SLC15A1: variants seen among roughly 807,000 people sequenced by gnomAD.
SLC15A1 encodes solute carrier family 15 member 1.
SLC15A1 carries 83 observed loss-of-function variants against 92.9 expected under a neutral mutation model. The observed-to-expected ratio is 0.89, with a 90% CI of 0.75 to 1.07. The LOEUF (loss-of-function observed/expected upper bound fraction) is 1.07. Among genes scored for constraint, SLC15A1 ranks in the 50% least tolerant of loss-of-function variants. The probability of loss-of-function intolerance (pLI) is 0.00; values close to 1 mark genes in which losing one functional copy is unlikely to be tolerated. For missense variants in SLC15A1, 857 were observed against 880.1 expected (o/e 0.97, Z 0.33); for synonymous variants, 322 against 318.2 (o/e 1.01, Z -0.13).
rs750012790 is a variant in SLC15A1, at chr13:98,711,880, T to C, written c.874A>G (p.Met292Val). ...RVMFLYIPLP[M>V]FWALFDQQGS... ...TGCTGGTCAAACAAGGCCCAGAACA[T>C]TGGGAGTGGAATATACAGGAACATC... is the stretch of plus-strand genomic sequence containing the variant. The change falls in exon 11 of 23, where the codon ATG becomes GTG. Residue 292 changes from methionine to valine, a missense_variant. Met to Val is a conservative substitution (Grantham distance 21, BLOSUM62 1). Coordinates refer to ENST00000376503, the MANE Select transcript of SLC15A1 (RefSeq NM_005073.4). 6.8e-6 allele frequency: 11 copies of C among 1,613,682 alleles called. No homozygotes were observed. Among genetic ancestry groups the C allele is most frequent in the East Asian group, 2.2e-5 (1 of 44,870 alleles).
chr13:98,707,940 G>A (rs1593989687), intron 15 of SLC15A1, among the ~76,000 whole-genome samples: 1 of 125,368 alleles, frequency 8.0e-6, no homozygotes, highest in African/African-American at 3.9e-5. Flanking sequence ...TAAATGTTAT[G>A]TTATATATAT....
intron 18 of SLC15A1, among the ~76,000 whole-genome samples, chr13:98,692,593 G>T (rs9584906): frequency 0.085 from 12,861 of 152,042 alleles, 637 homozygotes; most frequent in South Asian, 0.15. Context: ...CTCAACACCC[G>T]TAATTTTGGT....
rs1259723625 is a variant in SLC15A1 at position 98,709,889 on chromosome 13, G to T, written c.923C>A (p.Ala308Glu). ...DQQGSRWTLQ[A>E]TTMSGKIGAL... ...TACGATTTTCCCGGACATAGTTGTT[G>T]CCTGCAGTGTCCACCTGGAGCCCTT... The change falls in exon 12 of 23, where the codon GCA (alanine) becomes GAA (glutamate). Residue 308 changes from alanine to glutamate, a missense_variant. Coordinates refer to ENST00000376503, the MANE Select transcript of SLC15A1 (RefSeq NM_005073.4). The T allele has an allele frequency of 6.2e-7, 1 of 1,614,182 alleles. No individual in the cohort carries two copies. The highest frequency in any genetic ancestry group is 1.1e-5 in the South Asian group (1 of 91,082).
intron 1 of SLC15A1, among the ~76,000 whole-genome samples, chr13:98,736,436 A>G (rs959053810): frequency 6.6e-6 from 1 of 152,206 alleles, no homozygotes; most frequent in African/African-American, 2.4e-5. Flanking sequence ...CATGGGCAAG[A>G]ACTTCACGAG....
chr13:98,711,912 G>C lies in SLC15A1; in HGVS notation c.842C>G (p.Thr281Arg), dbSNP rs369301364. The C allele has an allele frequency of 7.4e-6, 12 of 1,613,158 alleles. No homozygotes were observed. The highest frequency in any genetic ancestry group is 2.2e-5 in the East Asian group (1 of 44,876). Reference protein sequence around the residue: ...ERLISQIKMVTRVMFLYIPLP... With the variant: ...ERLISQIKMVRRVMFLYIPLP... ...TGGAATATACAGGAACATCACCCTCGTAACCATCTTAATTTGGGAGATGAG... is the reference window on the plus strand; with the variant it reads ...TGGAATATACAGGAACATCACCCTCCTAACCATCTTAATTTGGGAGATGAG... Residue 281 changes from threonine (T) to arginine (R), a missense_variant, in exon 11 of 23, where the codon ACG becomes AGG. Thr to Arg is a moderately conservative substitution (Grantham distance 71, BLOSUM62 -1). Transcript: ENST00000376503.
At position 98,727,254 on chromosome 13, in the gene SLC15A1, C is replaced by A. The variant is rs143824451; in HGVS notation, c.5-395G>T. On this transcript the variant is annotated intron_variant, in intron 1 of 22. Transcript: ENST00000376503. ...CTGTAATATAAAATGCTTCTGAGTG[C>A]CTGACACACTGTGCACACTCAACCG... 1.1e-4 allele frequency among the ~76,000 whole-genome samples: 16 copies of A among 152,318 alleles called. 1 individual carries two copies. The highest frequency in any genetic ancestry group is 3.8e-4 in the African/African-American group (16 of 41,568).
At chr13:98,737,825 A>C (rs1218665313) in intron 1 of SLC15A1, among the ~76,000 whole-genome samples, 1 of 152,234 alleles carries the variant, frequency 6.6e-6, no homozygotes, top group African/African-American at 2.4e-5. Context: ...AAGAATGTGG[A>C]GGGCTCAGAA....
At chr13:98,732,036 ATT>A (rs765966477) in intron 1 of SLC15A1, among the ~76,000 whole-genome samples, 2 of 152,232 alleles carry the variant, frequency 1.3e-5, no homozygotes, top group Non-Finnish European at 2.9e-5. Flanking sequence ...TGCAGTCAGC[ATT>A]TCTTATCTTA....
At chr13:98,707,891 T>TAAAAA (rs745924829) in intron 15 of SLC15A1, among the ~76,000 whole-genome samples, 39 of 106,834 alleles carry the variant, frequency 3.7e-4, no homozygotes, top group African/African-American at 1.3e-3. Context: ...AGACCCTGTT[T>TAAAAA]AAAAAAAAAA....
At chr13:98,720,407 G>A (rs935625954) in intron 7 of SLC15A1, 2 of 152,010 alleles carry the variant, frequency 1.3e-5, no homozygotes, top group Non-Finnish European at 2.9e-5. Context: ...CAGGACACAC[G>A]AATAAAAGCT....
At chr13:98,718,103 C>T (rs1038526558) in intron 8 of SLC15A1, among the ~76,000 whole-genome samples, 1 of 151,982 alleles carries the variant, frequency 6.6e-6, no homozygotes, top group Admixed American at 6.6e-5. Flanking sequence ...TTTGCCATTA[C>T]TTTTAATGGC....
intron 22 of SLC15A1, among the ~76,000 whole-genome samples, chr13:98,685,368 C>T (rs919487866): frequency 3.9e-5 from 6 of 152,150 alleles, no homozygotes; most frequent in African/African-American, 1.4e-4. Context: ...GCTGCTGGGA[C>T]CTGGTGCAGG....
intron 10 of SLC15A1, 87 bp downstream of exon 10, chr13:98,712,411 G>T: frequency 9.8e-7 from 1 of 1,021,140 alleles, no homozygotes. Context: ...TGACCATTTT[G>T]TCCATGTAAC....
chr13:98,689,339 G>T (rs765438174), intron 18 of SLC15A1, among the ~76,000 whole-genome samples: 2 of 152,194 alleles, frequency 1.3e-5, no homozygotes, highest in Admixed American at 1.3e-4. Flanking sequence ...TTCTTTAGGG[G>T]GTTGAGGAGG....
chr13:98,686,949 CTTTT>C (rs11309992), intron 21 of SLC15A1, among the ~76,000 whole-genome samples: 2 of 131,308 alleles, frequency 1.5e-5, no homozygotes, highest in Non-Finnish European at 3.2e-5. Flanking sequence ...TCTTTTTCTT[CTTTT>C]TTTTTTTTTT....
At position 98,750,025 on chromosome 13, in the gene SLC15A1, G is replaced by C. The variant is rs188803655; in HGVS notation, c.4+2570C>G. Among the ~76,000 whole-genome samples the C allele has an allele frequency of 2.3e-4, 35 of 152,050 alleles. No homozygotes were observed. The East Asian group carries it at 6.2e-3, about 27-fold the overall frequency. On this transcript the variant is annotated intron_variant, in intron 1 of 22. Transcript: ENST00000376503. ...CTGGGGCTTTCCAGAAGAGACTGTC[G>C]ACCACTGCTTTAAAACAAAGGAGGT...
Position 98,709,901 on chromosome 13 carries a change from C to T in SLC15A1, c.911G>A (p.Trp304Ter), listed in dbSNP as rs2088147903. The change falls in exon 12 of 23, where the codon TGG (tryptophan) becomes TAG (stop). Residue 304 changes from tryptophan (W) to a stop codon, truncating the protein, a stop_gained. Transcript: ENST00000376503. LOFTEE classifies it high-confidence loss of function. ...GGACATAGTTGTTGCCTGCAGTGTC[C>T]ACCTGGAGCCCTTAAAAATGAATAC... The part of the protein sequence containing the change: ...WALFDQQGSR[W>*]TLQATTMSGK... 1.2e-6 allele frequency: 2 copies of T among 1,614,158 alleles called. No individual in the cohort carries two copies. Among genetic ancestry groups the T allele is most frequent in the Non-Finnish European group, 1.7e-6 (2 of 1,180,024 alleles).
chr13:98,740,334 C>T (rs540230044), intron 1 of SLC15A1, among the ~76,000 whole-genome samples: 1 of 152,318 alleles, frequency 6.6e-6, no homozygotes, highest in Non-Finnish European at 1.5e-5. Context: ...ACCGTCCACA[C>T]CAGCAACCTG....
chr13:98,704,222 C>A, intron 17 of SLC15A1, 67 bp downstream of exon 17: 2 of 1,466,318 alleles, frequency 1.4e-6, no homozygotes, highest in African/African-American at 1.4e-5. Flanking sequence ...CAAAGTCACA[C>A]CATAAAAATT....
Sources: gnomAD v4.1 joint callset for allele counts (sites outside exome capture counted in the v4.1 genomes callset) on GRCh38, gnomAD v4.1.1 for gene constraint, MANE v1.5 for transcripts, NCBI Gene and HGNC (gene_info 2026-07-23, HGNC 2026-07-21) for gene names.